The following ERC1 variants were observed in gnomAD, a reference collection of about 807,000 sequenced individuals.
ERC1 encodes the protein ELKS/RAB6-interacting/CAST family member 1.
Under a neutral mutation model 132.0 loss-of-function variants are expected in ERC1, and 56 were observed. The ratio of observed to expected loss-of-function variants is 0.42; its 90% CI spans 0.34 to 0.53. ERC1 has a LOEUF of 0.53. Ranked by LOEUF, ERC1 falls within the 20% of genes least tolerant of loss-of-function variation. The pLI, the probability that ERC1 is intolerant of heterozygous loss-of-function variation, is 0.03. For synonymous variants in ERC1, 478 were observed against 476.1 expected (o/e 1.00, Z -0.05); for missense variants, 1,202 against 1,349.9 (o/e 0.89, Z 1.72).
intron 12 of ERC1, among the ~76,000 whole-genome samples, chr12:1,199,676 G>T (rs987919891): frequency 6.6e-6 from 1 of 151,976 alleles, no homozygotes; most frequent in Non-Finnish European, 1.5e-5. Context: ...TATTTGGTAG[G>T]CTGAGGCACA....
chr12:1,298,399 C>T (rs548403588), intron 15 of ERC1, among the ~76,000 whole-genome samples: 4 of 151,776 alleles, frequency 2.6e-5, no homozygotes, highest in Non-Finnish European at 2.9e-5. Context: ...AAAAACTAGC[C>T]GGGTGTGGTG....
At chr12:1,315,859 T>C (rs2081659735) in intron 15 of ERC1, among the ~76,000 whole-genome samples, 1 of 152,110 alleles carries the variant, frequency 6.6e-6, no homozygotes, top group South Asian at 2.1e-4. Flanking sequence ...AATAATATCA[T>C]TTCTAGAAAC....
chr12:1,343,197 C>T (rs573532989), intron 15 of ERC1, among the ~76,000 whole-genome samples: 20 of 152,304 alleles, frequency 1.3e-4, no homozygotes, highest in Non-Finnish European at 2.6e-4. Flanking sequence ...GCCAGCAGAG[C>T]CCTGTGCAAA....
chr12:1,221,537 A>G (rs566475893), intron 12 of ERC1, among the ~76,000 whole-genome samples: 88 of 152,374 alleles, frequency 5.8e-4, no homozygotes, highest in Middle Eastern at 3.4e-3. Flanking sequence ...TAACACTTTT[A>G]CGTTCTGTAT....
At chr12:1,005,198 C>T (rs1963342950) in intron 1 of ERC1, among the ~76,000 whole-genome samples, 1 of 152,150 alleles carries the variant, frequency 6.6e-6, no homozygotes, top group Non-Finnish European at 1.5e-5. Flanking sequence ...GTCACCCAGG[C>T]TGGAGTGCGG....
intron 5 of ERC1, among the ~76,000 whole-genome samples, chr12:1,111,454 C>T (rs1945847529): frequency 6.6e-6 from 1 of 152,132 alleles, no homozygotes; most frequent in Non-Finnish European, 1.5e-5. Flanking sequence ...GGAATGATAA[C>T]ATCACTTCCC....
In ERC1 at chr12:1,040,888, G is replaced by C. The variant is rs577200050; in HGVS notation, c.669+12316G>C. Reference sequence around the variant, plus strand: ...GGCTGGTAGCTTATGTACTTTCAGAGAATGTGGTATGCAAAGATCTGTGTA... The same window carrying C: ...GGCTGGTAGCTTATGTACTTTCAGACAATGTGGTATGCAAAGATCTGTGTA... On this transcript the variant is annotated intron_variant, in intron 2 of 18. Transcript: ENST00000360905. Among the ~76,000 whole-genome samples, 4 of 152,262 alleles carry C rather than the reference G, an allele frequency of 2.6e-5. No homozygotes were observed. The South Asian group carries it at 8.3e-4, about 32-fold the overall frequency.
intron 15 of ERC1, among the ~76,000 whole-genome samples, chr12:1,349,214 G>A (rs1052664616): frequency 1.3e-5 from 2 of 152,172 alleles, no homozygotes; most frequent in African/African-American, 4.8e-5. Flanking sequence ...CCCAACACTT[G>A]TTTTTCTCCA....
intron 15 of ERC1, among the ~76,000 whole-genome samples, chr12:1,366,216 TAAAA>T (rs1043564040): frequency 6.6e-6 from 1 of 152,052 alleles, no homozygotes; most frequent in East Asian, 1.9e-4. Flanking sequence ...TTATCACAAC[TAAAA>T]AAAACCTAAA....
Position 1,189,953 on chromosome 12 carries a change from C to G in ERC1, c.2252C>G (p.Ser751Cys). ...GAGATCACCAGGTACAAAGATGAAT[C>G]TAGCAAGGCCCAGGCAGAAGTTGAT... ...EREITRYKDE[S>C]SKAQAEVDRL... The change falls in exon 12 of 19, where the codon TCT becomes TGT. Residue 751 changes from serine to cysteine, a missense_variant. Physicochemically the swap from Ser to Cys is moderately radical, Grantham distance 112 (BLOSUM62 -1). Transcript: ENST00000360905. 1 of 1,614,042 alleles carries G rather than the reference C, an allele frequency of 6.2e-7. No individual in the cohort carries two copies. Among genetic ancestry groups the G allele is most frequent in the Non-Finnish European group, 8.5e-7 (1 of 1,179,960 alleles).
chr12:1,066,672 A>G (rs1939252161), intron 2 of ERC1, among the ~76,000 whole-genome samples: 1 of 152,084 alleles, frequency 6.6e-6, no homozygotes, highest in African/African-American at 2.4e-5. Flanking sequence ...CCTCATCTCT[A>G]CTAAAAATAG....
intron 15 of ERC1, among the ~76,000 whole-genome samples, chr12:1,306,358 C>T (rs578148134): frequency 4.6e-5 from 7 of 152,294 alleles, no homozygotes; most frequent in East Asian, 1.9e-4. Flanking sequence ...AATTGCTCCA[C>T]CCGTTAATAC....
At chr12:1,196,955 CACACACAT>C (rs1445719167) in intron 12 of ERC1, among the ~76,000 whole-genome samples, 801 of 27,890 alleles carry the variant, frequency 0.029, 43 homozygotes, top group East Asian at 0.046. Flanking sequence ...CACACACACA[CACACACAT>C]ATATATATAT....
chr12:1,245,480 A>G (rs778278080), intron 13 of ERC1, among the ~76,000 whole-genome samples: 15 of 152,354 alleles, frequency 9.8e-5, no homozygotes, highest in Non-Finnish European at 1.9e-4. Flanking sequence ...TATTTAATTC[A>G]GAATTCCACA....
At chr12:997,921 A>T (rs1386517094) in intron 1 of ERC1, among the ~76,000 whole-genome samples, 1 of 152,246 alleles carries the variant, frequency 6.6e-6, no homozygotes, top group African/African-American at 2.4e-5. Context: ...GAAGACTTTT[A>T]GAGGAGTTTC....
chr12:1,134,215 T>G (rs1949037770), intron 7 of ERC1, among the ~76,000 whole-genome samples: 1 of 152,140 alleles, frequency 6.6e-6, no homozygotes, highest in African/African-American at 2.4e-5. Context: ...TTGATTATAT[T>G]AAAGAGATTT....
At chr12:1,471,321 C>T (rs2093856180) in intron 18 of ERC1, among the ~76,000 whole-genome samples, 1 of 152,066 alleles carries the variant, frequency 6.6e-6, no homozygotes, top group Non-Finnish European at 1.5e-5. Flanking sequence ...GCTGTAGGCA[C>T]AGACTATCAC....
chr12:1,327,297 A>G (rs764884357), intron 15 of ERC1, among the ~76,000 whole-genome samples: 1 of 152,040 alleles, frequency 6.6e-6, no homozygotes, highest in East Asian at 1.9e-4. Context: ...TTATATCTTT[A>G]TGTTCTAACA....
At chr12:1,059,260 T>C (rs1381332465) in intron 2 of ERC1, among the ~76,000 whole-genome samples, 3 of 152,228 alleles carry the variant, frequency 2.0e-5, no homozygotes, top group East Asian at 1.9e-4. Context: ...TTTCTAGATA[T>C]AAGAACATGT....
Sources: allele counts gnomAD v4.1 joint callset (sites outside exome capture counted in the v4.1 genomes callset), GRCh38; gene constraint gnomAD v4.1.1; transcripts MANE v1.5; gene names NCBI Gene and HGNC (gene_info 2026-07-23, HGNC 2026-07-21).